SND1: variants seen among roughly 807,000 people sequenced by gnomAD.
SND1 encodes the protein staphylococcal nuclease domain-containing protein 1.
SND1 carries 38 observed loss-of-function variants against 121.7 expected under a neutral mutation model. The observed-to-expected ratio is 0.31, with a 90% confidence interval of 0.24 to 0.41. The LOEUF (loss-of-function observed/expected upper bound fraction) is 0.41. SND1 is among the 10% of genes least tolerant of loss of function. The pLI is 1.00. For synonymous variants in SND1, 401 were observed against 447.4 expected (o/e 0.90, Z 1.31); for missense variants, 868 against 1,184.6 (o/e 0.73, Z 3.92).
chr7:127,818,496 A>T (rs1222670413), intron 11 of SND1, among the ~76,000 whole-genome samples: 1 of 152,216 alleles, frequency 6.6e-6, no homozygotes, highest in Non-Finnish European at 1.5e-5. Context: ...AGGTTGATGG[A>T]CCTTGACTGA....
At chr7:127,822,566 A>G (rs1190648674) in intron 11 of SND1, among the ~76,000 whole-genome samples, 32 of 152,170 alleles carry the variant, frequency 2.1e-4, no homozygotes, top group Admixed American at 2.0e-3. Context: ...TCAATCATAA[A>G]AGCACTTGTT....
chr7:128,033,929 A>G (rs891170503), intron 16 of SND1, among the ~76,000 whole-genome samples: 1 of 152,182 alleles, frequency 6.6e-6, no homozygotes, highest in Admixed American at 6.5e-5. Context: ...CTTATCTACT[A>G]TGTACTATCC....
At chr7:127,720,869 G>A (rs947447567) in intron 9 of SND1, among the ~76,000 whole-genome samples, 1 of 152,038 alleles carries the variant, frequency 6.6e-6, no homozygotes, top group African/African-American at 2.4e-5. Context: ...TTCTCATCTA[G>A]TGCTGGTATC....
intron 16 of SND1, among the ~76,000 whole-genome samples, chr7:128,012,894 T>C (rs1019507776): frequency 6.6e-6 from 1 of 152,136 alleles, no homozygotes; most frequent in Non-Finnish European, 1.5e-5. Context: ...GAGGAAGCGT[T>C]ATGGACTGCC....
chr7:127,812,440 C>G (rs1798350711), intron 11 of SND1, among the ~76,000 whole-genome samples: 1 of 152,166 alleles, frequency 6.6e-6, no homozygotes. Flanking sequence ...TGTTCTTCGC[C>G]TAAATATACA....
rs73455744 is a variant in SND1 at position 127,991,128 on chromosome 7, A to G, written c.1779+72A>G. 535 of 1,045,064 alleles carry G rather than the reference A, an allele frequency of 5.1e-4. 2 individuals carry two copies. Among genetic ancestry groups the G allele is most frequent in the African/African-American group, 3.6e-3 (227 of 63,574 alleles). 64.7% of individuals were successfully genotyped at this position (1,045,064 alleles called of 1,614,324 possible). A position where few individuals can be genotyped will look rare whatever the true frequency, so the allele number is the denominator to read the frequency against. ...TAAGGCTCCCTTGGTCTGCCATGTC[A>G]GAGATCAGTCTGTTGTTTTTTCCAC... On this transcript the variant is annotated intron_variant, in intron 16 of 23. Coordinates refer to ENST00000354725, the MANE Select transcript of SND1 (RefSeq NM_014390.4).
At position 128,029,573 on chromosome 7, in the gene SND1, C is replaced by T. The variant is rs1199363389; in HGVS notation, c.1779+38517C>T. ...AAATGTTGAGGTCTCGAGGTGCGTC[C>T]ATGATGAAGGGGGCAGAGCACTGGA... On this transcript the variant is annotated intron_variant, in intron 16 of 23. Coordinates refer to ENST00000354725, the MANE Select transcript of SND1 (RefSeq NM_014390.4). The surrounding 1 kb of genome is among the most constrained non-coding windows in gnomAD (Gnocchi z 4.2). The T allele has an allele frequency of 1.2e-6, 2 of 1,614,004 alleles. No individual in the cohort carries two copies. The highest frequency in any genetic ancestry group is 2.2e-5 in the East Asian group (1 of 44,878).
chr7:127,997,408 G>A, intron 16 of SND1: 3 of 308,422 alleles, frequency 9.7e-6, no homozygotes, highest in Non-Finnish European at 1.9e-5. Context: ...CAAGACTGCA[G>A]AGGAATTTGA....
At chr7:127,938,360 T>C (rs1801109623) in intron 15 of SND1, among the ~76,000 whole-genome samples, 1 of 152,218 alleles carries the variant, frequency 6.6e-6, no homozygotes, top group Non-Finnish European at 1.5e-5. Flanking sequence ...ATTAGTAGGA[T>C]AACTTCTCCC....
At chr7:128,005,392 C>T (rs1393760578) in intron 16 of SND1, among the ~76,000 whole-genome samples, 1 of 152,222 alleles carries the variant, frequency 6.6e-6, no homozygotes. Flanking sequence ...AGGCTTACAC[C>T]GCCCAGACAG....
At chr7:127,780,711 A>G (rs1413440792) in intron 10 of SND1, among the ~76,000 whole-genome samples, 1 of 152,232 alleles carries the variant, frequency 6.6e-6, no homozygotes, top group East Asian at 1.9e-4. Flanking sequence ...CTCTTTTGCT[A>G]GAATTGCTTC....
intron 12 of SND1, among the ~76,000 whole-genome samples, chr7:127,854,513 A>G (rs1799231667): frequency 6.6e-6 from 1 of 151,740 alleles, no homozygotes; most frequent in South Asian, 2.1e-4. Context: ...TTCTCAGTAG[A>G]TCTTGCTGAC....
chr7:128,068,251 C>T (rs1793351592), intron 16 of SND1, among the ~76,000 whole-genome samples: 1 of 150,538 alleles, frequency 6.6e-6, no homozygotes, highest in Non-Finnish European at 1.5e-5. Context: ...TGCTCACTCT[C>T]TCCCTCCCCC....
intron 10 of SND1, among the ~76,000 whole-genome samples, chr7:127,727,017 A>C (rs1206753031): frequency 1.3e-5 from 2 of 152,148 alleles, no homozygotes; most frequent in African/African-American, 4.8e-5. Context: ...CTCAGCTGGT[A>C]GTCACCCCCT....
At chr7:128,083,850 G>T (rs1426796790) in intron 18 of SND1, among the ~76,000 whole-genome samples, 1 of 152,142 alleles carries the variant, frequency 6.6e-6, no homozygotes, top group Non-Finnish European at 1.5e-5. Flanking sequence ...AGGGACTGAT[G>T]CCTCCCAGAG....
chr7:127,818,102 T>G (rs988031803), intron 11 of SND1, among the ~76,000 whole-genome samples: 1 of 152,194 alleles, frequency 6.6e-6, no homozygotes, highest in African/African-American at 2.4e-5. Context: ...TTCCTCATAC[T>G]GTTATATAAT....
At chr7:127,970,793 CCTTCACCTCAG>C (rs1472056269) in intron 15 of SND1, among the ~76,000 whole-genome samples, 1 of 151,976 alleles carries the variant, frequency 6.6e-6, no homozygotes, top group Non-Finnish European at 1.5e-5. Context: ...ATCTGCAATG[CCTTCACCTCAG>C]CTGTTAATAA....
chr7:127,803,022 C>T lies in SND1; in HGVS notation c.1153-4462C>T, dbSNP rs184932599. 2.0e-5 allele frequency among the ~76,000 whole-genome samples: 3 copies of T among 152,258 alleles called. No individual in the cohort carries two copies. The East Asian group carries it at 5.8e-4, about 29-fold the overall frequency. ...CTATCATAATCTCCTAATTTGTTTCCTCTGCTCCATCCTTTTCTTGTCACA... is the reference window on the plus strand; with the variant it reads ...CTATCATAATCTCCTAATTTGTTTCTTCTGCTCCATCCTTTTCTTGTCACA... On this transcript the variant is annotated intron_variant, in intron 10 of 23. Transcript: ENST00000354725.
intron 1 of SND1, among the ~76,000 whole-genome samples, chr7:127,657,740 T>G (rs1795236331): frequency 6.6e-6 from 1 of 152,116 alleles, no homozygotes; most frequent in Non-Finnish European, 1.5e-5. Context: ...TCAAGTGACC[T>G]TCTCCACTCT....
Sources: allele counts gnomAD v4.1 joint callset (sites outside exome capture counted in the v4.1 genomes callset), GRCh38; gene constraint gnomAD v4.1.1; non-coding constraint Gnocchi (gnomAD v3.1); transcripts MANE v1.5; gene names NCBI Gene and HGNC (gene_info 2026-07-23, HGNC 2026-07-21).